Variants in CEP57L1 observed in about 807,000 individuals in gnomAD.
CEP57L1 encodes centrosomal protein 57 like 1, also known as centrosomal protein CEP57L1.
In CEP57L1, 37 loss-of-function variants were observed where a neutral mutation model predicts 61.0. The ratio of observed to expected loss-of-function variants is 0.61; its 90% CI spans 0.47 to 0.80. CEP57L1 has a LOEUF of 0.80. CEP57L1 is among the 30% of genes least tolerant of loss of function. CEP57L1 has a pLI of 0.00. For missense variants in CEP57L1, 422 were observed against 524.7 expected (o/e 0.80, Z 1.91); for synonymous variants, 137 against 162.3 (o/e 0.84, Z 1.19).
intron 3 of CEP57L1, among the ~76,000 whole-genome samples, 153 bp downstream of exon 3, chr6:109,147,090 A>G (rs546449295): frequency 1.3e-5 from 2 of 152,206 alleles, no homozygotes; most frequent in African/African-American, 2.4e-5. Context: ...GATATTTGTG[A>G]GAAAAAGATA....
upstream of CEP57L1, chr6:109,095,390 C>T: frequency 1.0e-6 from 1 of 985,914 alleles, no homozygotes; most frequent in Middle Eastern, 5.2e-4. Flanking sequence ...CTTCATTACT[C>T]CAAACCCCAG....
chr6:109,153,697 G>C, intron 4 of CEP57L1, 136 bp from the exon 5 acceptor site: 1 of 652,402 alleles, frequency 1.5e-6, no homozygotes, highest in Non-Finnish European at 2.7e-6. Flanking sequence ...AGCATCTAAA[G>C]TATGTGTGTT....
intron 1 of CEP57L1, among the ~76,000 whole-genome samples, chr6:109,120,749 A>G (rs1772854688): frequency 2.0e-5 from 3 of 152,208 alleles, no homozygotes; most frequent in African/African-American, 7.2e-5. Context: ...ACACAGTTCC[A>G]CATAGAAACA....
chr6:109,145,125 TTA>T, intron 1 of CEP57L1, 92 bp from the exon 2 acceptor site: 1 of 702,016 alleles, frequency 1.4e-6, no homozygotes, highest in Non-Finnish European at 2.3e-6. Context: ...CAGTATATGA[TTA>T]TGTTTTTAAA....
At chr6:109,151,308 G>A (rs1772590377) in intron 4 of CEP57L1, among the ~76,000 whole-genome samples, 1 of 152,102 alleles carries the variant, frequency 6.6e-6, no homozygotes, top group South Asian at 2.1e-4. Context: ...TTCTGAAGAA[G>A]AATAAGATGA....
chr6:109,142,530 A>G (rs1771497549), intron 1 of CEP57L1, among the ~76,000 whole-genome samples: 1 of 151,998 alleles, frequency 6.6e-6, no homozygotes, highest in South Asian at 2.1e-4. Context: ...ATGTATACCT[A>G]TGTAACAAAC....
At chr6:109,133,578 G>A (rs1374547879) in intron 1 of CEP57L1, among the ~76,000 whole-genome samples, 2 of 152,042 alleles carry the variant, frequency 1.3e-5, no homozygotes, top group Non-Finnish European at 2.9e-5. Context: ...CAGAACTGAA[G>A]GAGATAGAGA....
chr6:109,102,496 T>G (rs1770431137), intron 1 of CEP57L1, among the ~76,000 whole-genome samples: 2 of 152,226 alleles, frequency 1.3e-5, no homozygotes, highest in Non-Finnish European at 2.9e-5. Context: ...AAGCAGAAAT[T>G]TTTAATTTTA....
chr6:109,102,085 C>T (rs1026248922), intron 1 of CEP57L1, among the ~76,000 whole-genome samples: 17 of 152,172 alleles, frequency 1.1e-4, no homozygotes, highest in African/African-American at 4.1e-4. Context: ...ATTGGTGATT[C>T]CCCAATGACA....
At chr6:109,153,715 G>T in intron 4 of CEP57L1, 118 bp from the exon 5 acceptor site, 1 of 707,044 alleles carries the variant, frequency 1.4e-6, no homozygotes. Context: ...GTTTGTTTAT[G>T]TACATGTTTC....
intron 5 of CEP57L1, 43 bp downstream of exon 5, chr6:109,153,992 G>C: frequency 2.0e-6 from 2 of 1,010,540 alleles, no homozygotes; most frequent in Non-Finnish European, 3.1e-6. Flanking sequence ...TGAATCTTTA[G>C]TGTTAAGCAT....
At chr6:109,138,128 G>A (rs1301028799) in intron 1 of CEP57L1, among the ~76,000 whole-genome samples, 1 of 152,234 alleles carries the variant, frequency 6.6e-6, no homozygotes, top group Admixed American at 6.5e-5. Context: ...GTCAGAGTTG[G>A]GGAGTGGGGG....
At chr6:109,160,759 A>G (rs1773650794) in intron 10 of CEP57L1, 43 bp downstream of exon 10, 3 of 1,552,832 alleles carry the variant, frequency 1.9e-6, no homozygotes, top group Non-Finnish European at 8.6e-7. Context: ...AACACAAAAT[A>G]TCTGGATTCA....
At chr6:109,123,035 C>T (rs780557286) in intron 1 of CEP57L1, among the ~76,000 whole-genome samples, 1 of 151,980 alleles carries the variant, frequency 6.6e-6, no homozygotes, top group Non-Finnish European at 1.5e-5. Flanking sequence ...TTTCTGTTTC[C>T]ATGGACCTTG....
At chr6:109,159,488 T>C in intron 9 of CEP57L1, 26 bp downstream of exon 9, 1 of 1,597,626 alleles carries the variant, frequency 6.3e-7, no homozygotes, top group Non-Finnish European at 8.5e-7. Context: ...CTTTTTTTTT[T>C]TCAAGAGACA....
intron 1 of CEP57L1, among the ~76,000 whole-genome samples, chr6:109,121,029 T>C (rs1405125012): frequency 1.3e-5 from 2 of 151,426 alleles, no homozygotes; most frequent in East Asian, 3.9e-4. Flanking sequence ...GGTGCTCTAG[T>C]GGGGTGTGGC....
intron 1 of CEP57L1, among the ~76,000 whole-genome samples, chr6:109,144,590 A>C (rs1771759712): frequency 6.6e-6 from 1 of 152,134 alleles, no homozygotes; most frequent in African/African-American, 2.4e-5. Context: ...ACCAAAACAA[A>C]AACAACAACA....
intron 1 of CEP57L1, among the ~76,000 whole-genome samples, chr6:109,119,411 A>T (rs946325074): frequency 3.9e-5 from 6 of 152,176 alleles, no homozygotes; most frequent in African/African-American, 1.4e-4. Flanking sequence ...AGGATGGGAG[A>T]GGATAGGTGA....
chr6:109,136,747 TTTATTTTA>T (rs1405912566), intron 1 of CEP57L1, among the ~76,000 whole-genome samples: 72 of 143,398 alleles, frequency 5.0e-4, no homozygotes, highest in Non-Finnish European at 8.4e-4. Flanking sequence ...TTTATTTTAT[TTTATTTTA>T]TTTTATTTAT....
Sources: allele counts gnomAD v4.1 joint callset (sites outside exome capture counted in the v4.1 genomes callset), GRCh38; gene constraint gnomAD v4.1.1; transcripts MANE v1.5; gene names NCBI Gene and HGNC (gene_info 2026-07-23, HGNC 2026-07-21).